Variants in GNAQ observed in about 807,000 individuals in gnomAD.
GNAQ encodes the protein G protein subunit alpha q.
GNAQ carries 8 observed loss-of-function variants against 43.9 expected under a neutral mutation model. That is an observed-to-expected ratio of 0.18 (90% confidence interval 0.11 to 0.33). The LOEUF is 0.33. Among genes scored for constraint, GNAQ ranks in the 10% least tolerant of loss-of-function variants. The probability of loss-of-function intolerance (pLI) is 1.00; values close to 1 mark genes in which losing one functional copy is unlikely to be tolerated. For synonymous variants in GNAQ, 155 were observed against 170.7 expected (o/e 0.91, Z 0.71); for missense variants, 158 against 450.8 (o/e 0.35, Z 5.88).
chr9:77,849,870 T>C (rs1311610109), intron 2 of GNAQ, among the ~76,000 whole-genome samples: 2 of 152,208 alleles, frequency 1.3e-5, no homozygotes, highest in Non-Finnish European at 2.9e-5. Context: ...CTCATCATGT[T>C]GCCCAGGTTG....
intron 2 of GNAQ, among the ~76,000 whole-genome samples, chr9:77,832,603 T>C (rs891963548): frequency 6.6e-6 from 1 of 152,208 alleles, no homozygotes; most frequent in East Asian, 1.9e-4. Context: ...CTCAAAACTA[T>C]AACAAGTAAG....
chr9:77,818,912 A>T (rs187753371), intron 2 of GNAQ, among the ~76,000 whole-genome samples: 1 of 147,320 alleles, frequency 6.8e-6, no homozygotes, highest in East Asian at 2.1e-4. Context: ...AGGCAGCAGG[A>T]TCACTTGAGC....
chr9:77,970,660 G>A (rs1823226592), intron 1 of GNAQ, among the ~76,000 whole-genome samples: 1 of 152,082 alleles, frequency 6.6e-6, no homozygotes, highest in Admixed American at 6.6e-5. Context: ...GAAATTTATA[G>A]CACTAAATGC....
rs946998433 is a variant in GNAQ at position 77,719,747 on chromosome 9, G to C, written c.*1576C>G. 8.6e-6 allele frequency: 2 copies of C among 231,984 alleles called. No homozygotes were observed. The highest frequency in any genetic ancestry group is 4.4e-5 in the African/African-American group (2 of 45,170). 14.4% of individuals were successfully genotyped at this position (231,984 alleles called of 1,614,324 possible). A position where few individuals can be genotyped will look rare whatever the true frequency, so the allele number is the denominator to read the frequency against. On this transcript the variant is annotated 3_prime_UTR_variant, in exon 7 of 7. Transcript: ENST00000286548. Reference sequence around the variant, plus strand: ...TCAATACATGTGCTGTATTTTTTTTGCATTTGTTGAAAAATTGCACATATA... The same window carrying C: ...TCAATACATGTGCTGTATTTTTTTTCCATTTGTTGAAAAATTGCACATATA...
At chr9:77,777,687 T>G (rs982335646) in intron 5 of GNAQ, among the ~76,000 whole-genome samples, 3 of 152,020 alleles carry the variant, frequency 2.0e-5, no homozygotes, top group Non-Finnish European at 4.4e-5. Context: ...AATAGACATT[T>G]CTCCAAAGAA....
chr9:77,910,848 T>C (rs1031883581), intron 2 of GNAQ, among the ~76,000 whole-genome samples: 1 of 152,206 alleles, frequency 6.6e-6, no homozygotes, highest in Non-Finnish European at 1.5e-5. Flanking sequence ...TTCAGAGACA[T>C]TAATTTGCTT....
At chr9:78,010,588 C>A (rs954403362) in intron 1 of GNAQ, among the ~76,000 whole-genome samples, 3 of 152,056 alleles carry the variant, frequency 2.0e-5, no homozygotes. Context: ...GTGTTAATTA[C>A]AGTCATCAAG....
intron 3 of GNAQ, among the ~76,000 whole-genome samples, chr9:77,805,977 A>C (rs1234804239): frequency 6.6e-6 from 1 of 152,190 alleles, no homozygotes; most frequent in Non-Finnish European, 1.5e-5. Flanking sequence ...TGAAAGTCTG[A>C]CATAAAGAGA....
At chr9:77,928,143 C>T (rs534649521) in intron 1 of GNAQ, among the ~76,000 whole-genome samples, 1 of 152,324 alleles carries the variant, frequency 6.6e-6, no homozygotes, top group Admixed American at 6.5e-5. Context: ...CATGTGTTGT[C>T]CACATTCCAG....
chr9:77,872,341 C>T (rs1828050927), intron 2 of GNAQ, among the ~76,000 whole-genome samples: 1 of 151,538 alleles, frequency 6.6e-6, no homozygotes, highest in Non-Finnish European at 1.5e-5. Flanking sequence ...AGCTTAGAAG[C>T]AAAAAAAATA....
chr9:77,906,874 C>T (rs1334496230), intron 2 of GNAQ, among the ~76,000 whole-genome samples: 1 of 152,188 alleles, frequency 6.6e-6, no homozygotes, highest in East Asian at 1.9e-4. Flanking sequence ...GGACAGTGAA[C>T]CTACATTTGT....
At chr9:78,012,238 CTTTTTTT>C in intron 1 of GNAQ, among the ~76,000 whole-genome samples, 1 of 135,162 alleles carries the variant, frequency 7.4e-6, no homozygotes, top group African/African-American at 2.7e-5. Flanking sequence ...AAGGCATTTT[CTTTTTTT>C]TTTTTTTTTT....
rs530343821 is a variant in GNAQ at position 77,949,840 on chromosome 9, T to C, written c.137-27495A>G. 1.6e-3 allele frequency among the ~76,000 whole-genome samples: 239 copies of C among 152,306 alleles called. 2 individuals are homozygous for C. The highest frequency in any genetic ancestry group is 4.9e-3 in the African/African-American group (203 of 41,590). On this transcript the variant is annotated intron_variant, in intron 1 of 6. Transcript: ENST00000286548. ...TTCTAACTCAATGAAAGCTCCACCT[T>C]GGTTCAGAATCCTATTCTCCAATTC...
intron 1 of GNAQ, among the ~76,000 whole-genome samples, chr9:78,021,874 T>C (rs538635219): frequency 6.6e-6 from 1 of 152,388 alleles, no homozygotes; most frequent in South Asian, 2.1e-4. Flanking sequence ...GACCCAGTCC[T>C]GAGCCGAGCA....
chr9:77,754,077 A>T (rs1825860391), intron 5 of GNAQ, among the ~76,000 whole-genome samples: 1 of 152,138 alleles, frequency 6.6e-6, no homozygotes, highest in Non-Finnish European at 1.5e-5. Context: ...TAAAAGGAGC[A>T]CTCAAGGCCT....
chr9:77,994,679 C>CTAGAT (rs1439882135), intron 1 of GNAQ, among the ~76,000 whole-genome samples: 3 of 152,202 alleles, frequency 2.0e-5, no homozygotes, highest in Admixed American at 6.5e-5. Flanking sequence ...TTTTCCCTTC[C>CTAGAT]TATCTAGCCT....
chr9:77,858,342 C>T (rs1307108951), intron 2 of GNAQ, among the ~76,000 whole-genome samples: 2 of 152,168 alleles, frequency 1.3e-5, no homozygotes, highest in African/African-American at 4.8e-5. Flanking sequence ...AAGACCATTG[C>T]TCTAAATCCA....
intron 1 of GNAQ, among the ~76,000 whole-genome samples, chr9:78,014,092 A>G (rs1351041684): frequency 6.6e-6 from 1 of 152,210 alleles, no homozygotes; most frequent in African/African-American, 2.4e-5. Context: ...AGCAGAGTAC[A>G]TACCTTTCAA....
At chr9:77,801,377 A>G (rs935952601) in intron 3 of GNAQ, among the ~76,000 whole-genome samples, 3 of 152,222 alleles carry the variant, frequency 2.0e-5, no homozygotes, top group Admixed American at 6.5e-5. Flanking sequence ...CAATGGCAGT[A>G]TAGATCACAG....
Sources: gnomAD v4.1 joint callset for allele counts (sites outside exome capture counted in the v4.1 genomes callset) on GRCh38, gnomAD v4.1.1 for gene constraint, MANE v1.5 for transcripts, NCBI Gene and HGNC (gene_info 2026-07-23, HGNC 2026-07-21) for gene names.